Variants in PTPRD observed in about 807,000 individuals in gnomAD.
PTPRD encodes protein tyrosine phosphatase receptor type D, also known as receptor-type tyrosine-protein phosphatase delta.
In PTPRD, 34 loss-of-function variants were observed where a neutral mutation model predicts 214.5. The ratio of observed to expected loss-of-function variants is 0.16; its 90% confidence interval spans 0.12 to 0.21. The LOEUF (loss-of-function observed/expected upper bound fraction) is 0.21, where lower values mean the gene tolerates loss of function less well. PTPRD is among the 10% of genes least tolerant of loss of function. PTPRD has a pLI of 1.00. For synonymous variants in PTPRD, 1,128 were observed against 845.7 expected, an observed-to-expected ratio of 1.33 and a Z score of -5.79; for missense variants, 2,545 against 2,398.7, an observed-to-expected ratio of 1.06 and a Z score of -1.27.
At chr9:10,118,358 T>C (rs2098748133) in intron 3 of PTPRD, among the ~76,000 whole-genome samples, 1 of 151,504 alleles carries the variant, frequency 6.6e-6, no homozygotes, top group Non-Finnish European at 1.5e-5. Flanking sequence ...TTTTTGGCAA[T>C]CATGCCAAAA....
intron 39 of PTPRD, among the ~76,000 whole-genome samples, chr9:8,364,198 T>C (rs1013917410): frequency 2.0e-5 from 3 of 152,336 alleles, no homozygotes; most frequent in African/African-American, 7.2e-5. Context: ...TTGAGAAATC[T>C]GAATGGCTGT....
chr9:9,472,503 C>T (rs1331182428), intron 8 of PTPRD, among the ~76,000 whole-genome samples: 3 of 152,194 alleles, frequency 2.0e-5, no homozygotes, highest in Non-Finnish European at 2.9e-5. Flanking sequence ...ACGCCCGGCC[C>T]CCTACTCCAA....
At chr9:10,558,542 T>C (rs1235575776) in intron 2 of PTPRD, among the ~76,000 whole-genome samples, 1 of 152,128 alleles carries the variant, frequency 6.6e-6, no homozygotes, top group East Asian at 1.9e-4. Context: ...TACTTAGCCA[T>C]GTGGCCTTGG....
At chr9:10,484,322 C>T (rs937851055) in intron 2 of PTPRD, among the ~76,000 whole-genome samples, 2 of 151,936 alleles carry the variant, frequency 1.3e-5, no homozygotes, top group Non-Finnish European at 2.9e-5. Context: ...ACAGTTGTAC[C>T]CCTACCTATT....
chr9:9,942,880 A>G (rs953068279), intron 4 of PTPRD, among the ~76,000 whole-genome samples: 3 of 148,166 alleles, frequency 2.0e-5, no homozygotes, highest in African/African-American at 7.7e-5. Flanking sequence ...CGTCAGCAAA[A>G]CATTGCTCTG....
At chr9:8,982,031 TTG>T (rs1260502164) in intron 11 of PTPRD, among the ~76,000 whole-genome samples, 2 of 151,992 alleles carry the variant, frequency 1.3e-5, no homozygotes, top group South Asian at 4.1e-4. Context: ...GTAAGAAAAT[TTG>T]TAACTTAATA....
chr9:9,146,572 C>T (rs114581029), intron 10 of PTPRD, among the ~76,000 whole-genome samples: 1 of 152,160 alleles, frequency 6.6e-6, no homozygotes, highest in Non-Finnish European at 1.5e-5. Flanking sequence ...CAGAGCCTCA[C>T]AACTAATTTA....
chr9:10,118,589 C>A (rs1037462108), intron 3 of PTPRD, among the ~76,000 whole-genome samples: 1 of 150,926 alleles, frequency 6.6e-6, no homozygotes, highest in African/African-American at 2.4e-5. Context: ...CATAAATGTG[C>A]AAGTAAAAAA....
intron 14 of PTPRD, among the ~76,000 whole-genome samples, chr9:8,615,673 C>G (rs940422494): frequency 1.3e-5 from 2 of 151,972 alleles, no homozygotes; most frequent in African/African-American, 4.8e-5. Context: ...CACTCAGTGG[C>G]TTTTCCTGTC....
intron 3 of PTPRD, among the ~76,000 whole-genome samples, chr9:10,160,329 A>G (rs2154288126): frequency 6.6e-6 from 1 of 152,162 alleles, no homozygotes; most frequent in East Asian, 1.9e-4. Flanking sequence ...CAAACCAATA[A>G]CAAGTAATGA....
intron 11 of PTPRD, among the ~76,000 whole-genome samples, chr9:9,011,248 A>C (rs1364068987): frequency 6.6e-6 from 1 of 151,944 alleles, no homozygotes; most frequent in African/African-American, 2.4e-5. Flanking sequence ...GTATCCCAAC[A>C]CTCTCTTTTT....
intron 9 of PTPRD, among the ~76,000 whole-genome samples, chr9:9,275,271 A>G (rs1157182166): frequency 1.6e-5 from 2 of 127,354 alleles, no homozygotes; most frequent in African/African-American, 3.0e-5. Context: ...TCTATCTGTG[A>G]CTCTTCTTGA....
At chr9:9,656,884 T>TAC (rs894414067) in intron 7 of PTPRD, among the ~76,000 whole-genome samples, 15 of 152,034 alleles carry the variant, frequency 9.9e-5, no homozygotes, top group African/African-American at 3.4e-4. Context: ...TATATATATA[T>TAC]ACATAGGAAC....
At chr9:10,017,016 C>T (rs865848731) in intron 4 of PTPRD, among the ~76,000 whole-genome samples, 8 of 152,234 alleles carry the variant, frequency 5.3e-5, no homozygotes, top group South Asian at 4.1e-4. Context: ...GTTTGTGTCA[C>T]GGTTGAAACA....
intron 34 of PTPRD, among the ~76,000 whole-genome samples, chr9:8,440,182 A>G (rs1033187231): frequency 2.6e-5 from 4 of 151,870 alleles, no homozygotes; most frequent in Admixed American, 6.6e-5. Context: ...AATCCTCTCT[A>G]ACACCCCATT....
chr9:10,259,265 C>A (rs979896329), intron 3 of PTPRD, among the ~76,000 whole-genome samples: 1 of 152,096 alleles, frequency 6.6e-6, no homozygotes, highest in Non-Finnish European at 1.5e-5. Context: ...ACCTCGTGAT[C>A]AGCCCGCCTC....
intron 11 of PTPRD, among the ~76,000 whole-genome samples, chr9:8,957,386 C>G (rs562643657): frequency 6.6e-4 from 100 of 151,432 alleles, no homozygotes; most frequent in African/African-American, 2.2e-3. Context: ...TTTTTATAGC[C>G]TTGTCTACAT....
intron 3 of PTPRD, among the ~76,000 whole-genome samples, chr9:10,083,132 A>G (rs1590669169): frequency 3.3e-5 from 5 of 152,146 alleles, no homozygotes; most frequent in Admixed American, 3.3e-4. Context: ...CCTATAAAAT[A>G]TACCCTATCC....
intron 3 of PTPRD, among the ~76,000 whole-genome samples, chr9:10,131,320 C>T (rs915932121): frequency 6.6e-6 from 1 of 152,130 alleles, no homozygotes; most frequent in Non-Finnish European, 1.5e-5. Context: ...TATGCATCAG[C>T]ATCCTTCTCC....
Sources: allele counts gnomAD v4.1 joint callset (sites outside exome capture counted in the v4.1 genomes callset), GRCh38; gene constraint gnomAD v4.1.1; transcripts MANE v1.5; gene names NCBI Gene and HGNC (gene_info 2026-07-23, HGNC 2026-07-21).